Variants in MYO16 observed in about 807,000 individuals in gnomAD.
MYO16 encodes myosin XVI, also known as unconventional myosin-XVI.
MYO16 carries 94 observed loss-of-function variants against 205.3 expected under a neutral mutation model. The observed-to-expected ratio is 0.46, with a 90% confidence interval of 0.39 to 0.54. MYO16 has a LOEUF of 0.54. Ranked by LOEUF, MYO16 falls within the 20% of genes least tolerant of loss-of-function variation. The pLI is 0.00. For missense variants in MYO16, 2,315 were observed against 2,387.5 expected (o/e 0.97, Z 0.63); for synonymous variants, 988 against 954.0 (o/e 1.04, Z -0.66).
Position 108,803,320 on chromosome 13 carries a change from G to C in MYO16, c.742-3359G>C, listed in dbSNP as rs142669408. Among the ~76,000 whole-genome samples, 3 of 152,260 alleles carry C rather than the reference G, an allele frequency of 2.0e-5. No individual in the cohort carries two copies. The East Asian group carries it at 5.8e-4, about 29-fold the overall frequency. ...ACTTATTTTAATTTCTATAAATATTGGGTTGAGGTACTGTTTTTCAAATAT... is the reference window on the plus strand; with the variant it reads ...ACTTATTTTAATTTCTATAAATATTCGGTTGAGGTACTGTTTTTCAAATAT... On this transcript the variant is annotated intron_variant, in intron 6 of 34. Transcript: ENST00000457511.
In MYO16 at chr13:109,055,603, C is replaced by T. The variant is rs774464223; in HGVS notation, c.3335+8C>T. 2 of 1,604,062 alleles carry T rather than the reference C, an allele frequency of 1.2e-6. No homozygotes were observed. The highest frequency in any genetic ancestry group is 2.2e-5 in the South Asian group (2 of 90,984). On this transcript the variant is annotated splice_region_variant and intron_variant, in intron 27 of 34. Transcript: ENST00000457511. The surrounding 1 kb of genome is among the most constrained non-coding windows in gnomAD (Gnocchi z 5.0). ...CTCGGATTTCCTGTCAAGGTAAATT[C>T]TTCTGCTCTTAAAATCGTCGTTCTC...
At chr13:108,721,681 C>A (rs148597306) in intron 3 of MYO16, among the ~76,000 whole-genome samples, 1 of 152,246 alleles carries the variant, frequency 6.6e-6, no homozygotes, top group East Asian at 1.9e-4. Flanking sequence ...TCAATGTAAG[C>A]GTTCAGTGAT....
intron 10 of MYO16, among the ~76,000 whole-genome samples, chr13:108,846,382 G>T (rs936438665): frequency 6.6e-6 from 1 of 151,984 alleles, no homozygotes; most frequent in African/African-American, 2.4e-5. Context: ...AAGCCACTTT[G>T]AATAAAGTCT....
At chr13:108,830,749 TTAAAG>T (rs1417829171) in intron 9 of MYO16, among the ~76,000 whole-genome samples, 25 of 152,128 alleles carry the variant, frequency 1.6e-4, no homozygotes, top group African/African-American at 5.8e-4. Context: ...ACCCTAAAAC[TTAAAG>T]TATAATAATA....
At chr13:108,910,586 G>A (rs72654013) in intron 16 of MYO16, among the ~76,000 whole-genome samples, 6,702 of 152,254 alleles carry the variant, frequency 0.044, 197 homozygotes, top group Middle Eastern at 0.085. Flanking sequence ...TCCTTTAATG[G>A]AGGCAGAAAG....
chr13:108,592,688 T>C (rs1192601719), upstream of MYO16, among the ~76,000 whole-genome samples: 1 of 139,044 alleles, frequency 7.2e-6, no homozygotes, highest in Non-Finnish European at 1.6e-5. Flanking sequence ...TGGGAGGCTG[T>C]GTGGGGTTTG....
chr13:108,576,418 G>T, the MYO16 span, among the ~76,000 whole-genome samples: 2 of 152,302 alleles, frequency 1.3e-5, no homozygotes. Flanking sequence ...GGAACAACCA[G>T]CTGGTAATAT....
At chr13:108,630,333 G>C (rs980740049) in intron 1 of MYO16, among the ~76,000 whole-genome samples, 20 of 152,152 alleles carry the variant, frequency 1.3e-4, no homozygotes, top group Admixed American at 1.3e-4. Flanking sequence ...GTGATCTTTA[G>C]GGTTATCCTT....
intron 27 of MYO16, among the ~76,000 whole-genome samples, chr13:109,062,850 G>C (rs938156734): frequency 6.6e-6 from 1 of 152,002 alleles, no homozygotes; most frequent in East Asian, 1.9e-4. Flanking sequence ...ATTTTTGGTT[G>C]TTTGTTTGGT....
chr13:108,681,433 A>G (rs1882458213), intron 2 of MYO16, among the ~76,000 whole-genome samples: 1 of 152,140 alleles, frequency 6.6e-6, no homozygotes, highest in Non-Finnish European at 1.5e-5. Flanking sequence ...GCTCTCATTC[A>G]TTCATTTGTT....
intron 33 of MYO16, among the ~76,000 whole-genome samples, chr13:109,171,647 G>C (rs749212130): frequency 6.6e-6 from 1 of 152,100 alleles, no homozygotes; most frequent in Non-Finnish European, 1.5e-5. Context: ...CATTAGATTA[G>C]AGAGCAGTTT....
At chr13:108,973,881 A>C (rs1160622429) in intron 20 of MYO16, among the ~76,000 whole-genome samples, 1 of 152,132 alleles carries the variant, frequency 6.6e-6, no homozygotes, top group Non-Finnish European at 1.5e-5. Context: ...ACTTAATTAG[A>C]GGGAAAAATA....
At chr13:108,899,989 G>A (rs77897326) in intron 15 of MYO16, among the ~76,000 whole-genome samples, 1,899 of 152,292 alleles carry the variant, frequency 0.012, 44 homozygotes, top group African/African-American at 0.043. Context: ...CAGGCCATTC[G>A]TGTTTATGCA....
In MYO16 at chr13:109,140,969, C is replaced by T. The variant is rs764166612; in HGVS notation, c.4757C>T (p.Ser1586Phe). 4 of 1,442,328 alleles carry T rather than the reference C, an allele frequency of 2.8e-6. No individual in the cohort carries two copies. The Admixed American group carries it at 1.0e-4, about 36-fold the overall frequency. 89.3% of individuals were successfully genotyped at this position (1,442,328 alleles called of 1,614,324 possible). A position where few individuals can be genotyped will look rare whatever the true frequency, so the allele number is the denominator to read the frequency against. ...ASPGLALFNG[S>F]GRASPPSTPP... is the part of the protein sequence containing the mutation. ...CCCGGCCTGGCGCTGTTCAACGGGTCCGGCCGAGCCTCCCCGCCGTCCACG... is the reference window on the plus strand; with the variant it reads ...CCCGGCCTGGCGCTGTTCAACGGGTTCGGCCGAGCCTCCCCGCCGTCCACG... Residue 1586 changes from serine (S) to phenylalanine (F), a missense_variant, in exon 32 of 35, where the codon TCC (serine) becomes TTC (phenylalanine). Transcript: ENST00000457511. This position sits in a 1 kb window ranked among gnomAD's most constrained non-coding sequence, Gnocchi z 8.0.
chr13:108,657,810 G>A (rs1188892915), intron 1 of MYO16, among the ~76,000 whole-genome samples: 1 of 151,968 alleles, frequency 6.6e-6, no homozygotes, highest in African/African-American at 2.4e-5. Context: ...CACATTTTAT[G>A]CTCCTTATAT....
rs74119811 is a variant in MYO16, at chr13:109,065,419, A to C, written c.3335+9824A>C. 4.5e-3 allele frequency among the ~76,000 whole-genome samples: 678 copies of C among 151,946 alleles called. 5 individuals carry two copies. The highest frequency in any genetic ancestry group is 0.016 in the African/African-American group (644 of 41,412). ...TCTATACATATTAATTATTATTTTC[A>C]TCTCTCCCCGATATGTATATGTTAG... On this transcript the variant is annotated intron_variant, in intron 27 of 34. Coordinates refer to ENST00000457511, the MANE Select transcript of MYO16 (RefSeq NM_001198950.3).
At chr13:108,552,277 G>A in the MYO16 span, among the ~76,000 whole-genome samples, 5 of 152,212 alleles carry the variant, frequency 3.3e-5, no homozygotes, top group African/African-American at 1.2e-4. Flanking sequence ...TATGCTGAGT[G>A]TTACCAGTGG....
intron 4 of MYO16, among the ~76,000 whole-genome samples, chr13:108,745,711 CACAGATATG>C (rs1885039272): frequency 6.6e-6 from 1 of 152,000 alleles, no homozygotes; most frequent in African/African-American, 2.4e-5. Context: ...CAGAACCAGT[CACAGATATG>C]ACAGATATTA....
intron 17 of MYO16, 73 bp downstream of exon 17, chr13:108,957,872 G>C: frequency 8.4e-7 from 1 of 1,188,186 alleles, no homozygotes; most frequent in Non-Finnish European, 1.2e-6. Flanking sequence ...TCATTCAAAA[G>C]CATTTACTGA....
Sources: allele counts gnomAD v4.1 joint callset (sites outside exome capture counted in the v4.1 genomes callset), GRCh38; gene constraint gnomAD v4.1.1; non-coding constraint Gnocchi (gnomAD v3.1); transcripts MANE v1.5; gene names NCBI Gene and HGNC (gene_info 2026-07-23, HGNC 2026-07-21).